The following ACER2 variants were observed in gnomAD, a reference collection of about 807,000 sequenced individuals.
ACER2 encodes the protein alkCDase 2.
Under a neutral mutation model 34.7 loss-of-function variants are expected in ACER2, and 26 were observed. The ratio of observed to expected loss-of-function variants is 0.75; its 90% CI spans 0.55 to 1.04. The LOEUF (loss-of-function observed/expected upper bound fraction) is 1.04, where lower values mean the gene tolerates loss of function less well. Ranked by LOEUF, ACER2 falls within the 50% of genes least tolerant of loss-of-function variation. The pLI is 0.00. For missense variants in ACER2, 352 were observed against 340.8 expected, an observed-to-expected ratio of 1.03 and a Z score of -0.26; for synonymous variants, 138 against 132.1, an observed-to-expected ratio of 1.04 and a Z score of -0.31.
At chr9:19,424,340 A>G (rs1307148015) in intron 2 of ACER2, 2 of 979,094 alleles carry the variant, frequency 2.0e-6, no homozygotes, top group African/African-American at 3.5e-5. Flanking sequence ...TTTGTGAAAT[A>G]CTTGTGTCAT....
chr9:19,443,482 C>G (rs1486410914), intron 4 of ACER2, among the ~76,000 whole-genome samples: 1 of 152,068 alleles, frequency 6.6e-6, no homozygotes, highest in Non-Finnish European at 1.5e-5. Context: ...CTTAAATAAT[C>G]TAAAAATAAT....
intron 3 of ACER2, among the ~76,000 whole-genome samples, chr9:19,426,426 C>T (rs1399897831): frequency 6.7e-6 from 1 of 149,276 alleles, no homozygotes. Flanking sequence ...CCCTCCCTTC[C>T]CCTTCCCCTC....
chr9:19,434,616 T>C (rs1403838106), intron 3 of ACER2, among the ~76,000 whole-genome samples: 3 of 152,190 alleles, frequency 2.0e-5, no homozygotes, highest in East Asian at 1.9e-4. Context: ...ACCAAAAAAA[T>C]ACGAAAACCA....
chr9:19,435,771 C>G (rs577685269), intron 4 of ACER2, among the ~76,000 whole-genome samples: 2 of 149,676 alleles, frequency 1.3e-5, no homozygotes, highest in African/African-American at 4.9e-5. Flanking sequence ...AAAAAAAAGC[C>G]GGGCGCAGTG....
At chr9:19,432,147 G>C (rs756168487) in intron 3 of ACER2, among the ~76,000 whole-genome samples, 1 of 152,190 alleles carries the variant, frequency 6.6e-6, no homozygotes, top group Non-Finnish European at 1.5e-5. Flanking sequence ...GGGGTGTGAA[G>C]ATAGTATCAA....
intron 1 of ACER2, among the ~76,000 whole-genome samples, chr9:19,411,333 G>C (rs1386439298): frequency 6.6e-6 from 1 of 151,866 alleles, no homozygotes; most frequent in African/African-American, 2.4e-5. Context: ...GCCTAACTTT[G>C]TTGAGTGTAG....
Position 19,446,357 on chromosome 9 carries a change from A to G in ACER2, c.580A>G (p.Ser194Gly). The G allele has an allele frequency of 7.4e-6, 12 of 1,614,142 alleles. No homozygotes were observed. Among genetic ancestry groups the G allele is most frequent in the Non-Finnish European group, 1.0e-5 (12 of 1,180,036 alleles). The change falls in exon 5 of 6, where the codon AGT becomes GGT. Residue 194 changes from serine to glycine, a missense_variant. Coordinates refer to ENST00000340967, the MANE Select transcript of ACER2 (RefSeq NM_001010887.3). ...WWTLALFCWI[S>G]DRAFCELLSS... Reference sequence around the variant, plus strand: ...GACCCTGGCCCTGTTCTGCTGGATCAGTGACCGAGCTTTCTGCGAGCTGCT... The same window carrying G: ...GACCCTGGCCCTGTTCTGCTGGATCGGTGACCGAGCTTTCTGCGAGCTGCT...
intron 1 of ACER2, among the ~76,000 whole-genome samples, chr9:19,420,142 C>T (rs1830359032): frequency 6.6e-6 from 1 of 152,180 alleles, no homozygotes; most frequent in African/African-American, 2.4e-5. Context: ...TTTGGCCCTG[C>T]TCACTTCAGT....
intron 1 of ACER2, among the ~76,000 whole-genome samples, 170 bp from the exon 2 acceptor site, chr9:19,423,692 G>C (rs1830476794): frequency 6.6e-6 from 1 of 152,200 alleles, no homozygotes; most frequent in Non-Finnish European, 1.5e-5. Flanking sequence ...CTGGGTGACA[G>C]AGTGAGACTC....
At chr9:19,443,091 C>T (rs903962473) in intron 4 of ACER2, among the ~76,000 whole-genome samples, 8 of 152,234 alleles carry the variant, frequency 5.3e-5, no homozygotes, top group South Asian at 2.1e-4. Context: ...AGTGCAGTGG[C>T]GCGATCTCGG....
chr9:19,450,753 C>G lies in ACER2; in HGVS notation c.*117C>G, dbSNP rs1831544544. The G allele has an allele frequency of 4.9e-6, 5 of 1,022,456 alleles. No homozygotes were observed. In the South Asian group the frequency reaches 9.1e-5, roughly 19 times the overall value. The allele number at this position is 1,022,456 out of a possible 1,614,324, so 63.3% of individuals were successfully genotyped here. A position where few individuals can be genotyped will look rare whatever the true frequency, so the allele number is the denominator to read the frequency against. On this transcript the variant is annotated 3_prime_UTR_variant, in exon 6 of 6. Transcript: ENST00000340967. ...GGGTGTGGGCTATCTTTTCAAAAAT[C>G]TATTTGCTGGGGCTCTTAATTTCTT...
chr9:19,419,869 C>A (rs927051998), intron 1 of ACER2, among the ~76,000 whole-genome samples: 1 of 152,138 alleles, frequency 6.6e-6, no homozygotes, highest in African/African-American at 2.4e-5. Flanking sequence ...GGATTTTAAC[C>A]AAAGGTAACA....
intron 4 of ACER2, among the ~76,000 whole-genome samples, chr9:19,445,484 G>T (rs1286662661): frequency 6.6e-6 from 1 of 152,210 alleles, no homozygotes; most frequent in Non-Finnish European, 1.5e-5. Context: ...GGAGGCCTTA[G>T]GGAGAGTCAC....
At chr9:19,424,463 C>G in intron 2 of ACER2, 2 of 985,378 alleles carry the variant, frequency 2.0e-6, no homozygotes, top group Non-Finnish European at 2.4e-6. Context: ...ATGCGTTTAA[C>G]TGTGGAATTG....
At chr9:19,423,803 T>A (rs201244339) in intron 1 of ACER2, 59 bp from the exon 2 acceptor site, 281 of 1,334,046 alleles carry the variant, frequency 2.1e-4, no homozygotes, top group Non-Finnish European at 1.0e-4. Flanking sequence ...AGAGGCCACT[T>A]TATTTTTTGC....
At chr9:19,436,171 C>T (rs928453656) in intron 4 of ACER2, among the ~76,000 whole-genome samples, 1 of 151,882 alleles carries the variant, frequency 6.6e-6, no homozygotes, top group African/African-American at 2.4e-5. Context: ...CTTGCCTCAG[C>T]GTCCCAAAGT....
At chr9:19,428,776 GTTTTTTTTTTT>G (rs10569579) in intron 3 of ACER2, among the ~76,000 whole-genome samples, 12 of 77,892 alleles carry the variant, frequency 1.5e-4, no homozygotes, top group African/African-American at 2.3e-4. Context: ...GGACAAGTGG[GTTTTTTTTTTT>G]TTTTTTTTTT....
At chr9:19,430,064 G>A (rs990943297) in intron 3 of ACER2, among the ~76,000 whole-genome samples, 2 of 151,968 alleles carry the variant, frequency 1.3e-5, no homozygotes, top group Non-Finnish European at 2.9e-5. Context: ...GAAATGAAAT[G>A]AAATTATCAC....
rs569334253 is a variant in ACER2, at chr9:19,417,537, G to T, written c.109-6325G>T. 1.4e-4 allele frequency among the ~76,000 whole-genome samples: 22 copies of T among 152,260 alleles called. 1 individual carries two copies. Among genetic ancestry groups the T allele is most frequent in the Non-Finnish European group, 2.8e-4 (19 of 68,028 alleles). On this transcript the variant is annotated intron_variant, in intron 1 of 5. Transcript: ENST00000340967. ...AATAGATATATAGACCAATGGAACA[G>T]AACAGAGGCCTCAGAAATAATGTCA...
Sources: allele counts gnomAD v4.1 joint callset (sites outside exome capture counted in the v4.1 genomes callset), GRCh38; gene constraint gnomAD v4.1.1; transcripts MANE v1.5; gene names NCBI Gene and HGNC (gene_info 2026-07-23, HGNC 2026-07-21).